SVEP1: variants seen among roughly 807,000 people sequenced by gnomAD.
The protein encoded by SVEP1 is sushi, von Willebrand factor type A, EGF and pentraxin domain containing 1, also known as sushi, von Willebrand factor type A, EGF and pentraxin domain-containing protein 1.
Under a neutral mutation model 367.3 loss-of-function variants are expected in SVEP1, and 164 were observed. The ratio of observed to expected loss-of-function variants is 0.45; its 90% CI spans 0.39 to 0.51. SVEP1 has a LOEUF of 0.51. Among genes scored for constraint, SVEP1 ranks in the 20% least tolerant of loss-of-function variants. The pLI is 0.00. For missense variants in SVEP1, 4,117 were observed against 4,425.3 expected (o/e 0.93, Z 1.98); for synonymous variants, 1,666 against 1,611.6 (o/e 1.03, Z -0.81).
At chr9:110,426,666 T>G (rs1253859063) in intron 36 of SVEP1, among the ~76,000 whole-genome samples, 1 of 152,188 alleles carries the variant, frequency 6.6e-6, no homozygotes, top group Admixed American at 6.5e-5. Flanking sequence ...TGCAATGAAA[T>G]GAAACTCAGA....
chr9:110,375,450 A>C lies in SVEP1; in HGVS notation c.10518T>G (p.Leu3506=). The C allele has an allele frequency of 2.8e-6, 3 of 1,077,024 alleles. No homozygotes were observed. Among genetic ancestry groups the C allele is most frequent in the Non-Finnish European group, 4.0e-6 (3 of 747,778 alleles). The allele number at this position is 1,077,024 out of a possible 1,614,324, so 66.7% of individuals were successfully genotyped here. Residue 3506 remains leucine, a synonymous_variant, in exon 46 of 48, where the codon CTT becomes CTG. Coordinates refer to ENST00000374469, the MANE Select transcript of SVEP1 (RefSeq NM_153366.4). ...CACAGCGACCTCCGTTCAGACAGGGAAGAATGCAGATTGCTAAAAAAAAAA... is the reference window on the plus strand; with the variant it reads ...CACAGCGACCTCCGTTCAGACAGGGCAGAATGCAGATTGCTAAAAAAAAAA... ...GRLCEEPICI[L]PCLNGGRCVA... is the part of the protein sequence containing the mutation.
rs577935802 is a variant in SVEP1, at chr9:110,417,206, G to A, written c.5976-5471C>T. Among the ~76,000 whole-genome samples the A allele has an allele frequency of 1.2e-3, 174 of 149,046 alleles. 6 individuals carry two copies. Among genetic ancestry groups the A allele is most frequent in the African/African-American group, 4.0e-3 (159 of 40,070 alleles). Reference sequence around the variant, plus strand: ...TTTCTGCATTTCCATCTGAGGTACCGGGTTCATCTCACTAGGGAGTGCCAG... The same window carrying A: ...TTTCTGCATTTCCATCTGAGGTACCAGGTTCATCTCACTAGGGAGTGCCAG... On this transcript the variant is annotated intron_variant, in intron 36 of 47. Coordinates refer to ENST00000374469, the MANE Select transcript of SVEP1 (RefSeq NM_153366.4).
chr9:110,389,180 C>A (rs1208690142), intron 41 of SVEP1, among the ~76,000 whole-genome samples: 7 of 151,954 alleles, frequency 4.6e-5, no homozygotes, highest in Admixed American at 2.0e-4. Flanking sequence ...AGTACTGTCA[C>A]CAAAAAACAA....
chr9:110,550,174 T>A lies in SVEP1; in HGVS notation c.532-70A>T, dbSNP rs1203818333. 2.5e-6 allele frequency: 4 copies of A among 1,575,344 alleles called. No homozygotes were observed. In the East Asian group the frequency reaches 9.0e-5, roughly 35 times the overall value. ...CCTACTGTGTGCTTCTCTTCTTACG[T>A]AAGGCAGTACTTGCAAAGATCATTA... is the stretch of plus-strand genomic sequence containing the variant. On this transcript the variant is annotated intron_variant, in intron 1 of 47. Coordinates refer to ENST00000374469, the MANE Select transcript of SVEP1 (RefSeq NM_153366.4).
intron 27 of SVEP1, among the ~76,000 whole-genome samples, chr9:110,438,379 T>C (rs1828463162): frequency 6.6e-6 from 1 of 151,838 alleles, no homozygotes; most frequent in Admixed American, 6.6e-5. Flanking sequence ...TTAGGAGAGA[T>C]GGGGTTTCGC....
At chr9:110,390,147 G>GTA (rs1188675394) in intron 40 of SVEP1, among the ~76,000 whole-genome samples, 9 of 92,564 alleles carry the variant, frequency 9.7e-5, no homozygotes, top group Admixed American at 1.2e-4. Flanking sequence ...ATATATACAA[G>GTA]TATATACATA....
At position 110,384,277 on chromosome 9, in the gene SVEP1, G is replaced by C. The variant is rs2118958951; in HGVS notation, c.10237+1621C>G. The stretch of plus-strand genomic sequence containing the variant: ...CCACCTCCTTTGGCTGGGGGTGGGA[G>C]CTCTGCTTGCCCCATGTGGCTCCCA... On this transcript the variant is annotated intron_variant, in intron 43 of 47. Transcript: ENST00000374469. Among the ~76,000 whole-genome samples, 3 of 150,936 alleles carry C rather than the reference G, an allele frequency of 2.0e-5. No individual in the cohort carries two copies. The Middle Eastern group carries it at 0.01, about 517-fold the overall frequency.
chr9:110,537,341 A>G (rs1830091757), intron 3 of SVEP1, among the ~76,000 whole-genome samples: 1 of 152,062 alleles, frequency 6.6e-6, no homozygotes, highest in Non-Finnish European at 1.5e-5. Context: ...TTAACAATGC[A>G]TCTTATTAAG....
chr9:110,450,392 G>A, intron 23 of SVEP1, 132 bp from the exon 24 acceptor site: 1 of 843,088 alleles, frequency 1.2e-6, no homozygotes, highest in Non-Finnish European at 1.8e-6. Flanking sequence ...CATCAAACTG[G>A]TTTGAGATCC....
intron 40 of SVEP1, among the ~76,000 whole-genome samples, chr9:110,397,103 T>C (rs1246747049): frequency 6.6e-6 from 1 of 152,222 alleles, no homozygotes; most frequent in Non-Finnish European, 1.5e-5. Context: ...AGTAAAATAC[T>C]GGCAAACCGA....
At chr9:110,514,638 C>T (rs928649588) in intron 3 of SVEP1, among the ~76,000 whole-genome samples, 3 of 152,096 alleles carry the variant, frequency 2.0e-5, no homozygotes, top group African/African-American at 7.2e-5. Flanking sequence ...GAAGTGGCCT[C>T]TTATGTCCCA....
intron 37 of SVEP1, among the ~76,000 whole-genome samples, chr9:110,410,348 C>A (rs1286997822): frequency 6.6e-6 from 1 of 152,148 alleles, no homozygotes; most frequent in Non-Finnish European, 1.5e-5. Context: ...TTGGGTTGGA[C>A]TGAACTCTTT....
intron 8 of SVEP1, among the ~76,000 whole-genome samples, chr9:110,494,281 G>C (rs9969834): frequency 6.6e-6 from 1 of 152,174 alleles, no homozygotes; most frequent in African/African-American, 2.4e-5. Flanking sequence ...GCATAGAAGG[G>C]GGAAAATAGC....
chr9:110,407,922 G>T lies in SVEP1; in HGVS notation c.7678C>A (p.Gln2560Lys). The change falls in exon 38 of 48, where the codon CAA (glutamine) becomes AAA (lysine). Residue 2560 changes from glutamine to lysine, a missense_variant. Physicochemically the swap from Gln to Lys is moderately conservative, Grantham distance 53 (BLOSUM62 1). Around this residue, in one of 4 missense-constraint regions of SVEP1, gnomAD observed 1,765 missense variants for 1,781.1 expected, o/e 0.99. Transcript: ENST00000374469. ...TCTACAAAACCATTTTCAATGGGTT[G>T]TGGGGAATCACAGTGGATGGCATTG... ...SCNAIHCDSP[Q>K]PIENGFVEGA... The T allele has an allele frequency of 6.2e-7, 1 of 1,614,018 alleles. No homozygotes were observed. Among genetic ancestry groups the T allele is most frequent in the Non-Finnish European group, 8.5e-7 (1 of 1,179,904 alleles).
At chr9:110,374,263 T>C (rs1334642140) in intron 46 of SVEP1, among the ~76,000 whole-genome samples, 1 of 152,216 alleles carries the variant, frequency 6.6e-6, no homozygotes, top group African/African-American at 2.4e-5. Flanking sequence ...GGTTTTTTGT[T>C]CCTTTTATAA....
intron 43 of SVEP1, among the ~76,000 whole-genome samples, chr9:110,380,775 C>G (rs138215947): frequency 2.4e-4 from 37 of 152,308 alleles, no homozygotes; most frequent in African/African-American, 8.4e-4. Context: ...GTACCAGCTC[C>G]TCTTTATACC....
At chr9:110,564,221 A>C (rs951942287) in intron 1 of SVEP1, among the ~76,000 whole-genome samples, 3 of 152,356 alleles carry the variant, frequency 2.0e-5, no homozygotes, top group African/African-American at 7.2e-5. Flanking sequence ...ACCAAATGCC[A>C]GGATGCATGC....
At chr9:110,451,799 T>C (rs4487849) in intron 22 of SVEP1, among the ~76,000 whole-genome samples, 70,940 of 152,032 alleles carry the variant, frequency 0.47, 16,651 homozygotes, top group African/African-American at 0.49. Flanking sequence ...GGGAGAAATA[T>C]ATTGAATGAA....
chr9:110,510,565 G>C (rs1328291446), intron 5 of SVEP1, among the ~76,000 whole-genome samples: 1 of 152,202 alleles, frequency 6.6e-6, no homozygotes, highest in African/African-American at 2.4e-5. Flanking sequence ...CAGGCTGTGG[G>C]AACAGCTTCA....
Sources: gnomAD v4.1 joint callset for allele counts (sites outside exome capture counted in the v4.1 genomes callset) on GRCh38, gnomAD v4.1.1 for gene constraint, gnomAD v4.1.1 regional missense constraint, MANE v1.5 for transcripts, NCBI Gene and HGNC (gene_info 2026-07-23, HGNC 2026-07-21) for gene names.